The following TMCO4 variants were observed in gnomAD, a reference collection of about 807,000 sequenced individuals.
TMCO4 encodes the protein transmembrane and coiled-coil domains 4, also known as transmembrane and coiled-coil domain-containing protein 4.
TMCO4 carries 58 observed loss-of-function variants against 64.7 expected under a neutral mutation model. The observed-to-expected ratio is 0.90, with a 90% confidence interval of 0.73 to 1.12. The LOEUF is 1.12. TMCO4 is among the 50% of genes most tolerant of loss of function. The probability of loss-of-function intolerance (pLI) is 0.00; values close to 1 mark genes in which losing one functional copy is unlikely to be tolerated. For synonymous variants in TMCO4, 325 were observed against 346.1 expected (o/e 0.94, Z 0.68); for missense variants, 780 against 825.9 (o/e 0.94, Z 0.68).
intron 13 of TMCO4, among the ~76,000 whole-genome samples, chr1:19,705,413 T>G (rs2095297402): frequency 6.6e-6 from 1 of 151,454 alleles, no homozygotes; most frequent in South Asian, 2.1e-4. Context: ...ATGGTACCAC[T>G]GCACTCCAGC....
rs200750033 is a variant in TMCO4, at chr1:19,683,252, G to A, written c.1693C>T (p.Pro565Ser). Residue 565 changes from proline (P) to serine (S), a missense_variant, in exon 16 of 16, where the codon CCC (proline) becomes TCC (serine). By Grantham distance (74) the Pro-to-Ser change is moderately conservative. Transcript: ENST00000294543. ...TPHQVGQTQGPISGDTSKLAM... is the reference protein window; with the variant it reads ...TPHQVGQTQGSISGDTSKLAM... The stretch of plus-strand genomic sequence containing the variant: ...AATTTGGAGGTGTCTCCGGATATGG[G>A]ACCCTGGGTTTGCCCAACCTGGTGG... 7.2e-5 allele frequency: 117 copies of A among 1,614,100 alleles called. No individual in the cohort carries two copies. The highest frequency in any genetic ancestry group is 4.9e-4 in the Middle Eastern group (3 of 6,084).
intron 15 of TMCO4, among the ~76,000 whole-genome samples, chr1:19,691,807 T>C (rs3748749): frequency 0.64 from 97,320 of 152,102 alleles, 31,469 homozygotes; most frequent in Non-Finnish European, 0.66. Flanking sequence ...TCATAAATCC[T>C]ATGTGTTGTG....
At chr1:19,740,312 G>A (rs1274313866) in intron 11 of TMCO4, among the ~76,000 whole-genome samples, 2 of 152,126 alleles carry the variant, frequency 1.3e-5, no homozygotes, top group African/African-American at 4.8e-5. Flanking sequence ...ATAGATGTGA[G>A]GCTTGAAATG....
chr1:19,786,972 C>T (rs910766559), intron 3 of TMCO4, 54 bp downstream of exon 3: 1 of 152,118 alleles, frequency 6.6e-6, no homozygotes, highest in Non-Finnish European at 1.5e-5. Flanking sequence ...GAAAGAAGAC[C>T]ATTTTAAATA....
chr1:19,765,503 C>T (rs2042694237), intron 6 of TMCO4, among the ~76,000 whole-genome samples: 1 of 151,996 alleles, frequency 6.6e-6, no homozygotes, highest in Non-Finnish European at 1.5e-5. Flanking sequence ...CTACTGGCAC[C>T]TAGTGGGTAG....
chr1:19,755,974 C>CGGTG (rs1171643170), intron 6 of TMCO4, among the ~76,000 whole-genome samples: 2 of 152,088 alleles, frequency 1.3e-5, no homozygotes, highest in Non-Finnish European at 2.9e-5. Context: ...GGGCTGGGTA[C>CGGTG]GGTGGCTCAC....
chr1:19,705,767 GGCTGCTGTCATA>G (rs1481080269), intron 13 of TMCO4, among the ~76,000 whole-genome samples: 1 of 151,838 alleles, frequency 6.6e-6, no homozygotes, highest in African/African-American at 2.4e-5. Context: ...AGACGATACT[GGCTGCTGTCATA>G]GCTGCTGGAA....
chr1:19,781,126 C>G (rs1324676978), intron 3 of TMCO4, among the ~76,000 whole-genome samples: 1 of 130,102 alleles, frequency 7.7e-6, no homozygotes, highest in Non-Finnish European at 1.5e-5. Flanking sequence ...GCCTGGCTGA[C>G]AGAGCGAGAC....
intron 9 of TMCO4, among the ~76,000 whole-genome samples, chr1:19,746,022 G>A (rs779501425): frequency 1.2e-4 from 19 of 152,186 alleles, no homozygotes; most frequent in Non-Finnish European, 1.9e-4. Flanking sequence ...CATCAGGGGA[G>A]CAAACTTCTC....
chr1:19,779,020 G>T (rs1447621053), intron 4 of TMCO4, among the ~76,000 whole-genome samples: 1 of 151,874 alleles, frequency 6.6e-6, no homozygotes, highest in Admixed American at 6.6e-5. Context: ...CCAAGGAGTT[G>T]AGTATGTTCA....
chr1:19,782,633 C>T (rs924456127), intron 3 of TMCO4, among the ~76,000 whole-genome samples: 1 of 152,010 alleles, frequency 6.6e-6, no homozygotes, highest in African/African-American at 2.4e-5. Context: ...TCCTTCCTTC[C>T]CAGGGGGAAA....
At chr1:19,783,344 T>C (rs1167938684) in intron 3 of TMCO4, among the ~76,000 whole-genome samples, 1 of 152,228 alleles carries the variant, frequency 6.6e-6, no homozygotes, top group Non-Finnish European at 1.5e-5. Flanking sequence ...AACTCTGTTT[T>C]AAATATTCAT....
intron 2 of TMCO4, among the ~76,000 whole-genome samples, chr1:19,794,141 T>C (rs1337258959): frequency 2.0e-5 from 3 of 152,102 alleles, no homozygotes; most frequent in African/African-American, 7.2e-5. Context: ...ACACAGACTT[T>C]GCATTGGCCG....
Position 19,771,383 on chromosome 1 carries a change from A to C in TMCO4, c.279T>G (p.Gly93=). 1.9e-6 allele frequency: 3 copies of C among 1,613,834 alleles called. No individual in the cohort carries two copies. The highest frequency in any genetic ancestry group is 1.7e-6 in the Non-Finnish European group (2 of 1,179,968). ...TTTGAACAAACACATCTGCTCCTTC[A>C]CCTCCCAGGCCGCTCGCAAAAGCAG... ...TMTAFASGLG[G]EGADVFVQIL... is the part of the protein sequence containing the mutation. Residue 93 remains glycine, a synonymous_variant, in exon 5 of 16, where the codon GGT becomes GGG. Transcript: ENST00000294543.
At chr1:19,772,162 C>T (rs566073139) in intron 4 of TMCO4, among the ~76,000 whole-genome samples, 15 of 152,254 alleles carry the variant, frequency 9.9e-5, no homozygotes, top group African/African-American at 3.6e-4. Flanking sequence ...GACTCTAGAG[C>T]CGTGTGGTAC....
intron 15 of TMCO4, among the ~76,000 whole-genome samples, chr1:19,685,706 G>GTTTTT (rs1359019281): frequency 1.4e-4 from 7 of 49,836 alleles, no homozygotes; most frequent in Non-Finnish European, 2.0e-4. Flanking sequence ...ATCCAGGCCT[G>GTTTTT]TTTCTTTTTT....
chr1:19,786,813 A>G (rs2043767689), intron 3 of TMCO4, among the ~76,000 whole-genome samples: 1 of 152,254 alleles, frequency 6.6e-6, no homozygotes, highest in Non-Finnish European at 1.5e-5. Context: ...GGCAAAAGTA[A>G]AACATAAATG....
At chr1:19,799,621 C>CG (rs1255787680) in intron 1 of TMCO4, among the ~76,000 whole-genome samples, 2 of 152,226 alleles carry the variant, frequency 1.3e-5, no homozygotes, top group Non-Finnish European at 2.9e-5. Context: ...AAAGCACTTC[C>CG]GGCTCTGAAA....
At chr1:19,705,046 T>C (rs567163406) in intron 13 of TMCO4, among the ~76,000 whole-genome samples, 10 of 152,296 alleles carry the variant, frequency 6.6e-5, no homozygotes, top group Admixed American at 4.6e-4. Flanking sequence ...CTCTCAGCAA[T>C]GCATGGTGTT....
Sources: allele counts gnomAD v4.1 joint callset (sites outside exome capture counted in the v4.1 genomes callset), GRCh38; gene constraint gnomAD v4.1.1; transcripts MANE v1.5; gene names NCBI Gene and HGNC (gene_info 2026-07-23, HGNC 2026-07-21).